C8orf34: variants seen among roughly 807,000 people sequenced by gnomAD.
C8orf34 encodes chromosome 8 open reading frame 34.
A neutral mutation model predicts 68.3 loss-of-function variants in C8orf34; 65 were observed. The ratio of observed to expected loss-of-function variants is 0.95; its 90% confidence interval spans 0.78 to 1.17. The LOEUF (loss-of-function observed/expected upper bound fraction) is 1.17. C8orf34 is among the 50% of genes most tolerant of loss of function. The pLI is 0.00. For missense variants in C8orf34, 664 were observed against 655.4 expected (o/e 1.01, Z -0.14); for synonymous variants, 244 against 241.2 (o/e 1.01, Z -0.11).
At chr8:68,794,506 T>TATATATATATAAA (rs58048066) in intron 12 of C8orf34, among the ~76,000 whole-genome samples, 1 of 59,046 alleles carries the variant, frequency 1.7e-5, no homozygotes, top group Non-Finnish European at 3.0e-5. Flanking sequence ...TATATATATA[T>TATATATATATAAA]TTTTTTTTTT....
chr8:68,682,828 C>G (rs1820407762), intron 8 of C8orf34, among the ~76,000 whole-genome samples: 1 of 152,074 alleles, frequency 6.6e-6, no homozygotes, highest in Admixed American at 6.6e-5. Flanking sequence ...TTTACAATAA[C>G]TTTATTGGAT....
intron 1 of C8orf34, among the ~76,000 whole-genome samples, chr8:68,427,104 A>G (rs919355210): frequency 3.9e-5 from 6 of 152,202 alleles, no homozygotes; most frequent in Non-Finnish European, 7.3e-5. Flanking sequence ...GTAAAATTGC[A>G]TAGTGACTCT....
At chr8:68,571,218 T>C (rs1420935145) in intron 7 of C8orf34, among the ~76,000 whole-genome samples, 1 of 152,210 alleles carries the variant, frequency 6.6e-6, no homozygotes, top group Non-Finnish European at 1.5e-5. Context: ...GCTCTTTGCC[T>C]GTAGCTACTC....
At chr8:68,514,613 G>C (rs1264114118) in intron 5 of C8orf34, among the ~76,000 whole-genome samples, 1 of 152,184 alleles carries the variant, frequency 6.6e-6, no homozygotes, top group African/African-American at 2.4e-5. Flanking sequence ...TTTGAAGAGT[G>C]AGTGTTTTCA....
At chr8:68,582,625 GC>G (rs1383349028) in intron 7 of C8orf34, among the ~76,000 whole-genome samples, 2 of 151,960 alleles carry the variant, frequency 1.3e-5, no homozygotes, top group Non-Finnish European at 2.9e-5. Flanking sequence ...TGCTTCCAAG[GC>G]CCTTCCAATG....
chr8:68,498,424 A>C (rs1278060516), intron 5 of C8orf34, among the ~76,000 whole-genome samples: 1 of 152,200 alleles, frequency 6.6e-6, no homozygotes, highest in East Asian at 1.9e-4. Flanking sequence ...CTGCATTTCA[A>C]TTTTTTGGCA....
At chr8:68,575,598 G>A (rs1586396251) in intron 7 of C8orf34, among the ~76,000 whole-genome samples, 1 of 152,120 alleles carries the variant, frequency 6.6e-6, no homozygotes, top group African/African-American at 2.4e-5. Context: ...GTCAGTATAA[G>A]GGTGTATAAT....
At chr8:68,752,211 A>C (rs912785890) in intron 10 of C8orf34, among the ~76,000 whole-genome samples, 1 of 152,226 alleles carries the variant, frequency 6.6e-6, no homozygotes, top group Non-Finnish European at 1.5e-5. Flanking sequence ...TAGAGTGATC[A>C]AAATTTGATT....
chr8:68,479,149 T>A (rs1255088471), intron 4 of C8orf34, among the ~76,000 whole-genome samples: 1 of 152,144 alleles, frequency 6.6e-6, no homozygotes, highest in Non-Finnish European at 1.5e-5. Context: ...AGAATAATTT[T>A]AAGAATAATT....
At chr8:68,747,723 A>G (rs1487690922) in intron 10 of C8orf34, among the ~76,000 whole-genome samples, 1 of 152,200 alleles carries the variant, frequency 6.6e-6, no homozygotes, top group South Asian at 2.1e-4. Flanking sequence ...CCACTGCTCA[A>G]GGAAATAAAA....
At chr8:68,479,591 A>T (rs989354752) in intron 4 of C8orf34, among the ~76,000 whole-genome samples, 5 of 152,212 alleles carry the variant, frequency 3.3e-5, no homozygotes, top group African/African-American at 1.2e-4. Context: ...ATGGAGCCAA[A>T]AAAACAAATG....
At chr8:68,715,403 A>C (rs1268893403) in intron 9 of C8orf34, among the ~76,000 whole-genome samples, 1 of 152,128 alleles carries the variant, frequency 6.6e-6, no homozygotes, top group Non-Finnish European at 1.5e-5. Context: ...AGAATCTATA[A>C]TACAAAGAAC....
intron 7 of C8orf34, among the ~76,000 whole-genome samples, chr8:68,544,299 G>T (rs1815798794): frequency 6.6e-6 from 1 of 152,106 alleles, no homozygotes. Context: ...TACCCAGCAA[G>T]AAAGAATAAA....
intron 3 of C8orf34, chr8:68,447,578 A>AT (rs2129626967): frequency 6.6e-6 from 1 of 152,312 alleles, no homozygotes; most frequent in Non-Finnish European, 1.5e-5. Flanking sequence ...GAGATGTTTG[A>AT]TTTTAGTTTC....
chr8:68,762,032 A>G (rs948605035), intron 10 of C8orf34, among the ~76,000 whole-genome samples: 4 of 152,208 alleles, frequency 2.6e-5, no homozygotes, highest in African/African-American at 7.2e-5. Context: ...AAAGTGGCCA[A>G]CACTGCTCTC....
chr8:68,391,048 C>T lies in C8orf34; in HGVS notation c.328-48451C>T, dbSNP rs112099048. On this transcript the variant is annotated intron_variant, in intron 1 of 13. Transcript: ENST00000518698. The stretch of plus-strand genomic sequence containing the variant: ...AACCATAGCTACAAAATGTCTTTAG[C>T]AACACATAGATTAGTGTTTGATTAA... Among the ~76,000 whole-genome samples, 786 of 152,228 alleles carry T rather than the reference C, an allele frequency of 5.2e-3. 12 individuals carry two copies. The highest frequency in any genetic ancestry group is 0.018 in the African/African-American group (760 of 41,546).
chr8:68,818,410 G>A lies in C8orf34; in HGVS notation c.*164G>A, dbSNP rs559429875. 11 of 742,434 alleles carry A rather than the reference G, an allele frequency of 1.5e-5. No homozygotes were observed. The East Asian group carries it at 3.0e-4, about 20-fold the overall frequency. The allele number at this position is 742,434 out of a possible 1,614,324, so 46.0% of individuals were successfully genotyped here. ...TCGTAGCCAGGGGGTGCCCAAGTAT[G>A]TAATCAGAGAACACTAATCCTGGCA... On this transcript the variant is annotated 3_prime_UTR_variant, in exon 14 of 14. Coordinates refer to ENST00000518698, the MANE Select transcript of C8orf34 (RefSeq NM_052958.4).
intron 7 of C8orf34, among the ~76,000 whole-genome samples, chr8:68,554,972 T>G (rs1816206520): frequency 6.6e-6 from 1 of 152,196 alleles, no homozygotes; most frequent in African/African-American, 2.4e-5. Flanking sequence ...AGCTTTACTC[T>G]GTTTACATTT....
chr8:68,589,784 T>G (rs1482605755), intron 7 of C8orf34, among the ~76,000 whole-genome samples: 21 of 100,548 alleles, frequency 2.1e-4, no homozygotes, highest in Middle Eastern at 0.013. Context: ...ATAAGGAAGG[T>G]GGAGAGAGAA....
Sources: gnomAD v4.1 joint callset for allele counts (sites outside exome capture counted in the v4.1 genomes callset) on GRCh38, gnomAD v4.1.1 for gene constraint, MANE v1.5 for transcripts, NCBI Gene and HGNC (gene_info 2026-07-23, HGNC 2026-07-21) for gene names.